The following VTCN1 variants were observed in gnomAD, a reference collection of about 807,000 sequenced individuals.
VTCN1 encodes the protein V-set domain-containing T-cell activation inhibitor 1.
A neutral mutation model predicts 26.5 loss-of-function variants in VTCN1; 26 were observed. The ratio of observed to expected loss-of-function variants is 0.98; its 90% CI spans 0.72 to 1.36. The LOEUF (loss-of-function observed/expected upper bound fraction) is 1.36, where lower values mean the gene tolerates loss of function less well. Among genes scored for constraint, VTCN1 ranks in the 40% most tolerant of loss-of-function variants. VTCN1 has a pLI of 0.00. For synonymous variants in VTCN1, 116 were observed against 130.7 expected (o/e 0.89, Z 0.77); for missense variants, 298 against 337.7 (o/e 0.88, Z 0.92).
At chr1:117,178,552 C>T (rs573586839) in intron 1 of VTCN1, among the ~76,000 whole-genome samples, 6 of 149,808 alleles carry the variant, frequency 4.0e-5, no homozygotes, top group Middle Eastern at 6.8e-3. Context: ...GCCACTGCAC[C>T]GCACCTGGCC....
rs983506128 is a variant in VTCN1 at position 117,159,448 on chromosome 1, C to A, written c.98-2527G>T. 1.3e-5 allele frequency among the ~76,000 whole-genome samples: 2 copies of A among 152,202 alleles called. No individual in the cohort carries two copies. The highest frequency in any genetic ancestry group is 4.8e-5 in the African/African-American group (2 of 41,456). On this transcript the variant is annotated intron_variant, in intron 2 of 5. Coordinates refer to ENST00000369458, the MANE Select transcript of VTCN1 (RefSeq NM_024626.4). This position sits in a 1 kb window ranked among gnomAD's most constrained non-coding sequence, Gnocchi z 4.7. ...ACCATGAGAACAGTATGGGGGGAAC[C>A]ACCCCCATGATTCAAATGATCTCCC...
chr1:117,205,308 C>T (rs1301325879), intron 1 of VTCN1, among the ~76,000 whole-genome samples: 2 of 151,918 alleles, frequency 1.3e-5, no homozygotes, highest in African/African-American at 4.8e-5. Context: ...GCATGTACCA[C>T]CACACCTTGT....
At position 117,170,142 on chromosome 1, in the gene VTCN1, C is replaced by T; in HGVS notation, c.62G>A (p.Gly21Glu). ...SIISIIIILA[G>E]AIALIIGFGI... ...AAAGCCAATGATGAGTGCAATTGCTCCAGCCAGAATAATGATGATGCTAAT... is the reference window on the plus strand; with the variant it reads ...AAAGCCAATGATGAGTGCAATTGCTTCAGCCAGAATAATGATGATGCTAAT... The change falls in exon 2 of 6, where the codon GGA becomes GAA. Residue 21 changes from glycine to glutamate, a missense_variant. Gly to Glu is a moderately conservative substitution (Grantham distance 98). Transcript: ENST00000369458. 1 of 1,613,808 alleles carries T rather than the reference C, an allele frequency of 6.2e-7. No homozygotes were observed. The highest frequency in any genetic ancestry group is 8.5e-7 in the Non-Finnish European group (1 of 1,179,910).
chr1:117,178,576 T>TTTC (rs1345285836), intron 1 of VTCN1, among the ~76,000 whole-genome samples: 11 of 135,940 alleles, frequency 8.1e-5, no homozygotes, highest in African/African-American at 2.8e-4. Flanking sequence ...AGTGTTTTCT[T>TTTC]TTCTTTCTTT....
intron 4 of VTCN1, among the ~76,000 whole-genome samples, chr1:117,151,066 G>C (rs1367056435): frequency 6.6e-6 from 1 of 152,168 alleles, no homozygotes. Context: ...GGTGAATAGT[G>C]CTACTGTGAC....
chr1:117,151,703 G>A (rs571868488), intron 4 of VTCN1, among the ~76,000 whole-genome samples: 9 of 152,184 alleles, frequency 5.9e-5, no homozygotes, highest in Admixed American at 4.6e-4. Context: ...GTCCCCACTC[G>A]ACCCACGAAG....
intron 1 of VTCN1, among the ~76,000 whole-genome samples, chr1:117,206,505 T>C (rs1259293836): frequency 6.6e-6 from 1 of 152,188 alleles, no homozygotes; most frequent in Non-Finnish European, 1.5e-5. Context: ...GATAGGGCAA[T>C]TGAAGCTCTT....
chr1:117,194,461 A>C (rs1648407037), intron 1 of VTCN1, among the ~76,000 whole-genome samples: 1 of 152,216 alleles, frequency 6.6e-6, no homozygotes, highest in Non-Finnish European at 1.5e-5. Flanking sequence ...AACAGTATGA[A>C]GGTTCTTCAA....
rs1449838137 is a variant in VTCN1, at chr1:117,145,081, CT to C, written c.*189del. The C allele has an allele frequency of 5.2e-5, 8 of 152,596 alleles. No homozygotes were observed. Among genetic ancestry groups the C allele is most frequent in the African/African-American group, 1.9e-4 (8 of 41,446 alleles). The allele number at this position is 152,596 out of a possible 1,614,324, so 9.5% of individuals were successfully genotyped here. On this transcript the variant is annotated 3_prime_UTR_variant, in exon 6 of 6. Coordinates refer to ENST00000369458, the MANE Select transcript of VTCN1 (RefSeq NM_024626.4). The surrounding 1 kb of genome is among the most constrained non-coding windows in gnomAD (Gnocchi z 4.6). ...AATATGTCTTTGAAGATAGATTTAT[CT>C]TGTTCATATTGGAGCCTTCTGCTTT...
At chr1:117,181,149 G>T (rs1031200519) in intron 1 of VTCN1, among the ~76,000 whole-genome samples, 4 of 151,690 alleles carry the variant, frequency 2.6e-5, no homozygotes, top group Non-Finnish European at 1.5e-5. Context: ...AGGAGTGGTG[G>T]TTCATGCCTG....
At chr1:117,179,981 C>T (rs1415016974) in intron 1 of VTCN1, among the ~76,000 whole-genome samples, 1 of 152,102 alleles carries the variant, frequency 6.6e-6, no homozygotes, top group Non-Finnish European at 1.5e-5. Flanking sequence ...TGGTCTTAAC[C>T]ATTATCCCAT....
At chr1:117,202,895 G>A (rs564726736) in intron 1 of VTCN1, among the ~76,000 whole-genome samples, 1 of 152,222 alleles carries the variant, frequency 6.6e-6, no homozygotes, top group African/African-American at 2.4e-5. Context: ...GAGAGATGGG[G>A]TGGGTAGCTG....
rs1244197916 is a variant in VTCN1, at chr1:117,173,182, C to G, written c.33-3011G>C. 4 of 716,678 alleles carry G rather than the reference C, an allele frequency of 5.6e-6. No homozygotes were observed. The South Asian group carries it at 5.9e-5, about 11-fold the overall frequency. 44.4% of individuals were successfully genotyped at this position (716,678 alleles called of 1,614,324 possible). The stretch of plus-strand genomic sequence containing the variant: ...CGCGCCACCTTTAAGAGCTGTAACA[C>G]TCACCGCGAGGTCAGCGGCTTCATT... On this transcript the variant is annotated intron_variant, in intron 1 of 5. Transcript: ENST00000369458.
intron 1 of VTCN1, among the ~76,000 whole-genome samples, chr1:117,187,948 G>C (rs1005243992): frequency 5.9e-5 from 9 of 152,158 alleles, no homozygotes; most frequent in Non-Finnish European, 1.5e-5. Context: ...CACTCACTTT[G>C]ACAATTATTT....
intron 1 of VTCN1, among the ~76,000 whole-genome samples, chr1:117,179,831 G>A (rs1570969342): frequency 6.6e-6 from 1 of 152,032 alleles, no homozygotes; most frequent in Non-Finnish European, 1.5e-5. Flanking sequence ...TCCCTATGAC[G>A]ACCTACGGAG....
intron 1 of VTCN1, among the ~76,000 whole-genome samples, chr1:117,186,943 T>A (rs1358952140): frequency 6.6e-6 from 1 of 152,090 alleles, no homozygotes; most frequent in African/African-American, 2.4e-5. Flanking sequence ...GGATTACTAT[T>A]TTTACAGGTG....
At position 117,147,880 on chromosome 1, in the gene VTCN1, A is replaced by G; in HGVS notation, c.725-98T>C. ...AAGAAAAGTACCTGAAAAACAGAAC[A>G]AGTTGTTCCTAATTCAGGCAATTTT... On this transcript the variant is annotated intron_variant, in intron 4 of 5. Coordinates refer to ENST00000369458, the MANE Select transcript of VTCN1 (RefSeq NM_024626.4). The surrounding 1 kb of genome is among the most constrained non-coding windows in gnomAD (Gnocchi z 4.6). The G allele has an allele frequency of 6.7e-7, 1 of 1,489,636 alleles. No homozygotes were observed. The highest frequency in any genetic ancestry group is 8.9e-7 in the Non-Finnish European group (1 of 1,118,642). 92.3% of individuals were successfully genotyped at this position (1,489,636 alleles called of 1,614,324 possible).
At chr1:117,187,097 GGCAACAAGGTGAAACCCTGCCTCA>G (rs1215452475) in intron 1 of VTCN1, among the ~76,000 whole-genome samples, 7 of 151,644 alleles carry the variant, frequency 4.6e-5, no homozygotes, top group Non-Finnish European at 8.8e-5. Flanking sequence ...GACCAGCCTG[GGCAACAAGGTGAAACCCTGCCTCA>G]GCAACAAGGT....
At chr1:117,187,961 A>G (rs911296916) in intron 1 of VTCN1, among the ~76,000 whole-genome samples, 5 of 152,230 alleles carry the variant, frequency 3.3e-5, no homozygotes, top group Non-Finnish European at 1.5e-5. Context: ...AATTATTTCC[A>G]TAATGCTTAG....
Sources: allele counts gnomAD v4.1 joint callset (sites outside exome capture counted in the v4.1 genomes callset), GRCh38; gene constraint gnomAD v4.1.1; non-coding constraint Gnocchi (gnomAD v3.1); transcripts MANE v1.5; gene names NCBI Gene and HGNC (gene_info 2026-07-23, HGNC 2026-07-21).